Variants in CUX2 observed in about 807,000 individuals in gnomAD.
CUX2 encodes homeobox protein cut-like 2.
Under a neutral mutation model 144.8 loss-of-function variants are expected in CUX2, and 40 were observed. The observed-to-expected ratio is 0.28, with a 90% CI of 0.21 to 0.36. CUX2 has a LOEUF of 0.36. Ranked by LOEUF, CUX2 falls within the 10% of genes least tolerant of loss-of-function variation. The pLI, the probability that CUX2 is intolerant of heterozygous loss-of-function variation, is 1.00. For synonymous variants in CUX2, 827 were observed against 875.6 expected (o/e 0.94, Z 0.98); for missense variants, 1,615 against 1,994.0 (o/e 0.81, Z 3.62).
intron 1 of CUX2, among the ~76,000 whole-genome samples, chr12:111,066,995 G>A (rs1183773922): frequency 1.3e-5 from 2 of 152,224 alleles, no homozygotes; most frequent in East Asian, 1.9e-4. Flanking sequence ...TGGAATGGCC[G>A]TTATGAGTCT....
At chr12:111,042,796 C>CTTTT (rs770921301) in intron 1 of CUX2, among the ~76,000 whole-genome samples, 1 of 138,790 alleles carries the variant, frequency 7.2e-6, no homozygotes, top group Non-Finnish European at 1.6e-5. Flanking sequence ...CCACGCCTGG[C>CTTTT]TTTTTTTTTT....
intron 1 of CUX2, among the ~76,000 whole-genome samples, chr12:111,089,619 G>T (rs1872441908): frequency 1.3e-5 from 2 of 152,226 alleles, no homozygotes; most frequent in Non-Finnish European, 2.9e-5. Context: ...AGAGGGCCTG[G>T]AAAGCCCTCT....
intron 1 of CUX2, among the ~76,000 whole-genome samples, chr12:111,185,812 T>G (rs985985509): frequency 6.6e-6 from 1 of 152,112 alleles, no homozygotes; most frequent in Non-Finnish European, 1.5e-5. Flanking sequence ...GCTGGGGGCT[T>G]GACAGTACCT....
chr12:111,296,703 CGCCTCCACCCTCTGGCCCTCCCAGAGAG>C, intron 8 of CUX2, among the ~76,000 whole-genome samples, 164 bp downstream of exon 8: 1 of 119,770 alleles, frequency 8.3e-6, no homozygotes, highest in Admixed American at 8.3e-5. Context: ...ATCCCAGACA[CGCCTCCACCCTCTGGCCCTCCCAGAGAG>C]GCCTCCTCCC....
At chr12:111,251,933 G>A (rs1040817411) in intron 3 of CUX2, among the ~76,000 whole-genome samples, 3 of 152,058 alleles carry the variant, frequency 2.0e-5, no homozygotes, top group Non-Finnish European at 4.4e-5. Flanking sequence ...TAATCCCGGC[G>A]CTTTAGGAGG....
chr12:111,243,600 C>T (rs1883137915), intron 3 of CUX2, among the ~76,000 whole-genome samples: 1 of 144,052 alleles, frequency 6.9e-6, no homozygotes. Context: ...AATTCCTGGG[C>T]TCAAGTGATC....
intron 1 of CUX2, among the ~76,000 whole-genome samples, chr12:111,105,672 C>G (rs1252263612): frequency 6.6e-6 from 1 of 152,174 alleles, no homozygotes; most frequent in Non-Finnish European, 1.5e-5. Context: ...GGTTTGAAGC[C>G]TGCATCTGTC....
At chr12:111,319,179 T>C (rs566801788) in intron 16 of CUX2, among the ~76,000 whole-genome samples, 6 of 151,876 alleles carry the variant, frequency 4.0e-5, no homozygotes, top group African/African-American at 1.4e-4. Flanking sequence ...CTGAGCATGG[T>C]GGCACATGCT....
At chr12:111,140,985 A>G (rs183831882) in intron 1 of CUX2, among the ~76,000 whole-genome samples, 1 of 152,238 alleles carries the variant, frequency 6.6e-6, no homozygotes, top group Admixed American at 6.5e-5. Flanking sequence ...GAAGATTGAG[A>G]GGAGATGGCA....
At chr12:111,193,696 G>A (rs1880043628) in intron 1 of CUX2, among the ~76,000 whole-genome samples, 1 of 152,202 alleles carries the variant, frequency 6.6e-6, no homozygotes, top group Admixed American at 6.5e-5. Flanking sequence ...GGCTGCGGGG[G>A]CTGCCGGCTG....
intron 1 of CUX2, among the ~76,000 whole-genome samples, chr12:111,119,673 C>T (rs1874514849): frequency 6.6e-6 from 1 of 152,218 alleles, no homozygotes; most frequent in African/African-American, 2.4e-5. Flanking sequence ...CTTGTTCTCT[C>T]AGTCTAGTGC....
chr12:111,139,517 G>T (rs1486335016), intron 1 of CUX2, among the ~76,000 whole-genome samples: 4 of 152,116 alleles, frequency 2.6e-5, no homozygotes, highest in African/African-American at 9.7e-5. Context: ...GCACTGCGTT[G>T]GGACAGATAC....
In CUX2 at chr12:111,034,996, A is replaced by T. The variant is rs1341888709; in HGVS notation, c.63+756A>T. Among the ~76,000 whole-genome samples, 2 of 151,628 alleles carry T rather than the reference A, an allele frequency of 1.3e-5. No individual in the cohort carries two copies. The highest frequency in any genetic ancestry group is 2.9e-5 in the Non-Finnish European group (2 of 67,844). Reference sequence around the variant, plus strand: ...CCCCCGCCCCTTCCATCCCCTTCCCAAGTCTAGATGCAGACGGGCGGTGGA... The same window carrying T: ...CCCCCGCCCCTTCCATCCCCTTCCCTAGTCTAGATGCAGACGGGCGGTGGA... On this transcript the variant is annotated intron_variant, in intron 1 of 21. Coordinates refer to ENST00000261726, the MANE Select transcript of CUX2 (RefSeq NM_015267.4). The surrounding 1 kb of genome is among the most constrained non-coding windows in gnomAD (Gnocchi z 4.2).
intron 2 of CUX2, among the ~76,000 whole-genome samples, chr12:111,217,668 G>A (rs564884311): frequency 9.2e-5 from 14 of 152,310 alleles, no homozygotes; most frequent in African/African-American, 3.4e-4. Flanking sequence ...AAAGACTCCA[G>A]AAAGTCCTGC....
rs1314202330 is a variant in CUX2 at position 111,263,732 on chromosome 12, C to T, written c.223-29C>T. On this transcript the variant is annotated intron_variant, in intron 3 of 21. Coordinates refer to ENST00000261726, the MANE Select transcript of CUX2 (RefSeq NM_015267.4). This position sits in a 1 kb window ranked among gnomAD's most constrained non-coding sequence, Gnocchi z 4.0. ...TGCAGACACAGATGCCATGGTTACA[C>T]GTGACTCTTTCTCTTGTTGTCTCCA... is the stretch of plus-strand genomic sequence containing the variant. The T allele has an allele frequency of 1.9e-6, 3 of 1,571,034 alleles. No individual in the cohort carries two copies. Among genetic ancestry groups the T allele is most frequent in the South Asian group, 2.2e-5 (2 of 90,186 alleles).
At position 111,246,842 on chromosome 12, in the gene CUX2, G is replaced by C. The variant is rs141448236; in HGVS notation, c.223-16919G>C. ...AGCCCTCCTAGCTGTGCCCTGCAGG[G>C]TACATGACTCCGTCCTTGACTGTCC... is the stretch of plus-strand genomic sequence containing the variant. On this transcript the variant is annotated intron_variant, in intron 3 of 21. Coordinates refer to ENST00000261726, the MANE Select transcript of CUX2 (RefSeq NM_015267.4). The surrounding 1 kb of genome is among the most constrained non-coding windows in gnomAD (Gnocchi z 4.0). 2.0e-5 allele frequency among the ~76,000 whole-genome samples: 3 copies of C among 152,070 alleles called. No homozygotes were observed. Among genetic ancestry groups the C allele is most frequent in the African/African-American group, 7.2e-5 (3 of 41,410 alleles).
intron 1 of CUX2, among the ~76,000 whole-genome samples, chr12:111,163,090 G>T (rs538868345): frequency 6.6e-6 from 1 of 150,754 alleles, no homozygotes; most frequent in Non-Finnish European, 1.5e-5. Context: ...TGCTGAATTC[G>T]AATCTCAGCT....
intron 1 of CUX2, among the ~76,000 whole-genome samples, chr12:111,112,252 C>T (rs1874020654): frequency 6.6e-6 from 1 of 152,004 alleles, no homozygotes; most frequent in Admixed American, 6.6e-5. Flanking sequence ...GTTTTATGCT[C>T]TGTTTGGTAA....
At chr12:111,306,514 C>T (rs903244996) in intron 10 of CUX2, among the ~76,000 whole-genome samples, 2 of 152,044 alleles carry the variant, frequency 1.3e-5, no homozygotes, top group African/African-American at 4.8e-5. Flanking sequence ...CCGCCCATAA[C>T]GTGGTCCGTG....
Sources: allele counts gnomAD v4.1 joint callset (sites outside exome capture counted in the v4.1 genomes callset), GRCh38; gene constraint gnomAD v4.1.1; non-coding constraint Gnocchi (gnomAD v3.1); transcripts MANE v1.5; gene names NCBI Gene and HGNC (gene_info 2026-07-23, HGNC 2026-07-21).